LRP1B: variants seen among roughly 807,000 people sequenced by gnomAD.
LRP1B encodes LDL receptor related protein 1B.
Under a neutral mutation model 556.6 loss-of-function variants are expected in LRP1B, and 217 were observed. The ratio of observed to expected loss-of-function variants is 0.39; its 90% CI spans 0.35 to 0.44. The LOEUF is 0.44. Ranked by LOEUF, LRP1B falls within the 20% of genes least tolerant of loss-of-function variation. The pLI, the probability that LRP1B is intolerant of heterozygous loss-of-function variation, is 1.00. For synonymous variants in LRP1B, 2,047 were observed against 1,865.8 expected (o/e 1.10, Z -2.50); for missense variants, 5,053 against 5,620.8 (o/e 0.90, Z 3.23).
chr2:141,318,547 CAT>C (rs1174519122), intron 3 of LRP1B, among the ~76,000 whole-genome samples: 5 of 152,098 alleles, frequency 3.3e-5, no homozygotes, highest in Non-Finnish European at 7.4e-5. Context: ...AGTTATCTCT[CAT>C]GTGTCTCTTT....
chr2:141,089,261 T>C (rs2104905864), intron 7 of LRP1B, among the ~76,000 whole-genome samples: 1 of 152,296 alleles, frequency 6.6e-6, no homozygotes, highest in East Asian at 1.9e-4. Context: ...TTTCAATTCT[T>C]CTCTCTCAGT....
At chr2:141,298,954 T>TAAAAAAAAAAAAAAAAAAACAAAAAAAAA (rs10714514) in intron 3 of LRP1B, among the ~76,000 whole-genome samples, 1 of 123,862 alleles carries the variant, frequency 8.1e-6, no homozygotes, top group African/African-American at 3.0e-5. Flanking sequence ...AACTCCATCT[T>TAAAAAAAAAAAAAAAAAAACAAAAAAAAA]AAAAAAAAAA....
At position 141,063,589 on chromosome 2, in the gene LRP1B, G is replaced by A. The variant is rs74451993; in HGVS notation, c.1014-1316C>T. Among the ~76,000 whole-genome samples the A allele has an allele frequency of 7.0e-3, 1,065 of 151,834 alleles. 10 individuals carry two copies. The highest frequency in any genetic ancestry group is 0.024 in the African/African-American group (1,006 of 41,460). ...CTGCATTCTCATTGTCATGCTAAAC[G>A]ATCAAATCACTGCTTGGTATGCACG... On this transcript the variant is annotated intron_variant, in intron 7 of 90. Coordinates refer to ENST00000389484, the MANE Select transcript of LRP1B (RefSeq NM_018557.3).
chr2:140,587,298 A>C (rs1167018889), intron 43 of LRP1B, among the ~76,000 whole-genome samples: 1 of 152,196 alleles, frequency 6.6e-6, no homozygotes, highest in Admixed American at 6.5e-5. Context: ...AGGACTTGAA[A>C]AATGTCAAGG....
chr2:140,333,120 TA>T (rs1270103749), intron 79 of LRP1B, among the ~76,000 whole-genome samples: 1 of 152,042 alleles, frequency 6.6e-6, no homozygotes, highest in Admixed American at 6.6e-5. Flanking sequence ...GTTTTCATGC[TA>T]AGCTAATTCC....
Position 141,005,371 on chromosome 2 carries a change from T to G in LRP1B, c.2467A>C (p.Asn823His), listed in dbSNP as rs747340495. Reference protein sequence around the residue: ...PGGRVCACADNQLLDENGTTC... With the variant: ...PGGRVCACADHQLLDENGTTC... ...GTCCCATTTTCATCCAAAAGTTGATTATCGGCACAAGCACACACCCGGCCT... is the reference window on the plus strand; with the variant it reads ...GTCCCATTTTCATCCAAAAGTTGATGATCGGCACAAGCACACACCCGGCCT... The change falls in exon 15 of 91, where the codon AAT becomes CAT. Residue 823 changes from asparagine to histidine, a missense_variant. By Grantham distance (68) the Asn-to-His change is moderately conservative. Around this residue, in one of 5 missense-constraint regions of LRP1B, gnomAD observed 3,619 missense variants for 3,931.9 expected, o/e 0.92. Coordinates refer to ENST00000389484, the MANE Select transcript of LRP1B (RefSeq NM_018557.3). 6.2e-7 allele frequency: 1 copy of G among 1,610,300 alleles called. No homozygotes were observed. Among genetic ancestry groups the G allele is most frequent in the Admixed American group, 1.7e-5 (1 of 59,766 alleles).
intron 7 of LRP1B, among the ~76,000 whole-genome samples, chr2:141,139,640 T>C (rs1701581553): frequency 6.6e-6 from 1 of 151,966 alleles, no homozygotes; most frequent in Non-Finnish European, 1.5e-5. Flanking sequence ...AAAATGATAA[T>C]GCAATACAAT....
At chr2:141,213,290 G>A (rs969634014) in intron 6 of LRP1B, among the ~76,000 whole-genome samples, 11 of 151,814 alleles carry the variant, frequency 7.2e-5, no homozygotes, top group Middle Eastern at 3.2e-3. Flanking sequence ...AAATATGAGC[G>A]ATACATACAT....
chr2:141,330,960 G>C (rs1458072129), intron 3 of LRP1B, among the ~76,000 whole-genome samples: 2 of 151,960 alleles, frequency 1.3e-5, no homozygotes, highest in Non-Finnish European at 2.9e-5. Flanking sequence ...GAGTTTCACC[G>C]TGTTAGCCAA....
chr2:140,521,873 C>T (rs1052617039), intron 49 of LRP1B, among the ~76,000 whole-genome samples: 4 of 151,832 alleles, frequency 2.6e-5, no homozygotes, highest in Non-Finnish European at 5.9e-5. Flanking sequence ...ATTTGCTATT[C>T]GTATATCAGA....
At chr2:141,762,232 C>T (rs1694581439) in intron 2 of LRP1B, among the ~76,000 whole-genome samples, 1 of 151,652 alleles carries the variant, frequency 6.6e-6, no homozygotes, top group Admixed American at 6.6e-5. Flanking sequence ...AAATTGGCCA[C>T]TGTTGAGTAT....
intron 18 of LRP1B, among the ~76,000 whole-genome samples, chr2:140,967,939 T>G: frequency 6.8e-6 from 1 of 147,324 alleles, no homozygotes; most frequent in Non-Finnish European, 1.5e-5. Context: ...TGGATTCAGT[T>G]TGCCAGTATT....
At chr2:141,200,290 A>G (rs1430709359) in intron 6 of LRP1B, among the ~76,000 whole-genome samples, 4 of 152,172 alleles carry the variant, frequency 2.6e-5, no homozygotes, top group African/African-American at 9.7e-5. Context: ...TTGCAGTAAC[A>G]TGAATGGAGC....
chr2:140,474,960 C>T (rs1241834834), intron 60 of LRP1B, among the ~76,000 whole-genome samples, 178 bp downstream of exon 60: 2 of 151,530 alleles, frequency 1.3e-5, no homozygotes, highest in East Asian at 3.9e-4. Context: ...TTGTGCATAA[C>T]ATATAATTTT....
At chr2:141,250,012 G>A (rs150089096) in intron 4 of LRP1B, among the ~76,000 whole-genome samples, 1 of 152,084 alleles carries the variant, frequency 6.6e-6, no homozygotes, top group African/African-American at 2.4e-5. Context: ...CTGGAGAAAG[G>A]GGGTGAGAAA....
At chr2:142,102,360 C>T (rs1186664612) in intron 1 of LRP1B, among the ~76,000 whole-genome samples, 1 of 151,658 alleles carries the variant, frequency 6.6e-6, no homozygotes, top group Non-Finnish European at 1.5e-5. Context: ...TTGAGTACTT[C>T]TTTGTATTAA....
At chr2:141,639,302 GTGTA>G (rs1276089793) in intron 2 of LRP1B, among the ~76,000 whole-genome samples, 566 of 32,892 alleles carry the variant, frequency 0.017, no homozygotes, top group Non-Finnish European at 0.031. Context: ...CGCATCATGT[GTGTA>G]TATATATATA....
intron 41 of LRP1B, among the ~76,000 whole-genome samples, chr2:140,660,503 A>G (rs1366439504): frequency 6.6e-6 from 1 of 152,142 alleles, no homozygotes; most frequent in Non-Finnish European, 1.5e-5. Context: ...ATGCTTATAC[A>G]TCATATAATC....
At chr2:141,419,125 C>T (rs547353394) in intron 3 of LRP1B, among the ~76,000 whole-genome samples, 1 of 152,100 alleles carries the variant, frequency 6.6e-6, no homozygotes, top group African/African-American at 2.4e-5. Flanking sequence ...CTGGCTAGGA[C>T]TTTCAGTACT....
Sources: gnomAD v4.1 joint callset for allele counts (sites outside exome capture counted in the v4.1 genomes callset) on GRCh38, gnomAD v4.1.1 for gene constraint, gnomAD v4.1.1 regional missense constraint, MANE v1.5 for transcripts, NCBI Gene and HGNC (gene_info 2026-07-23, HGNC 2026-07-21) for gene names.